GRM5: variants seen among roughly 807,000 people sequenced by gnomAD.
The protein encoded by GRM5 is glutamate metabotropic receptor 5.
A neutral mutation model predicts 83.1 loss-of-function variants in GRM5; 19 were observed. The observed-to-expected ratio is 0.23, with a 90% CI of 0.16 to 0.34. GRM5 has a LOEUF of 0.34. GRM5 is among the 10% of genes least tolerant of loss of function. The probability of loss-of-function intolerance (pLI) is 1.00; values close to 1 mark genes in which losing one functional copy is unlikely to be tolerated. For synonymous variants in GRM5, 675 were observed against 633.6 expected, an observed-to-expected ratio of 1.07 and a Z score of -0.98; for missense variants, 1,160 against 1,588.3, an observed-to-expected ratio of 0.73 and a Z score of 4.58.
chr11:88,909,745 C>A (rs1374374848), intron 2 of GRM5, among the ~76,000 whole-genome samples: 1 of 152,052 alleles, frequency 6.6e-6, no homozygotes, highest in African/African-American at 2.4e-5. Context: ...GTGTCTAGCA[C>A]AAATGAGAAA....
At chr11:88,788,896 C>T (rs1162682632) in intron 3 of GRM5, among the ~76,000 whole-genome samples, 6 of 152,110 alleles carry the variant, frequency 3.9e-5, no homozygotes, top group Admixed American at 6.6e-5. Flanking sequence ...AGGATGAACG[C>T]CTCCTCAATT....
intron 8 of GRM5, among the ~76,000 whole-genome samples, chr11:88,531,715 A>C (rs1285223189): frequency 6.6e-6 from 1 of 152,284 alleles, no homozygotes; most frequent in East Asian, 1.9e-4. Context: ...ACAGCAAATA[A>C]GAAAGCTAAA....
At position 88,767,318 on chromosome 11, in the gene GRM5, T is replaced by C. The variant is rs542988225; in HGVS notation, c.911+82588A>G. On this transcript the variant is annotated intron_variant, in intron 3 of 9. Transcript: ENST00000305447. Reference sequence around the variant, plus strand: ...ATTGCTATTTGATCCAGAAATCGCATTATTAGGCATATCCTCAAAAGAATG... The same window carrying C: ...ATTGCTATTTGATCCAGAAATCGCACTATTAGGCATATCCTCAAAAGAATG... 2.6e-5 allele frequency among the ~76,000 whole-genome samples: 4 copies of C among 152,082 alleles called. No homozygotes were observed. The East Asian group carries it at 7.7e-4, about 29-fold the overall frequency.
At chr11:88,519,512 A>G (rs1941621388) in intron 9 of GRM5, among the ~76,000 whole-genome samples, 1 of 152,094 alleles carries the variant, frequency 6.6e-6, no homozygotes, top group South Asian at 2.1e-4. Flanking sequence ...GGCTTTACCA[A>G]TTTTTTAAGG....
chr11:88,910,704 C>T (rs1047061207), intron 2 of GRM5, among the ~76,000 whole-genome samples: 4 of 152,024 alleles, frequency 2.6e-5, no homozygotes, highest in East Asian at 1.9e-4. Flanking sequence ...TTTGAATCAG[C>T]AGCACTTTTA....
intron 3 of GRM5, among the ~76,000 whole-genome samples, chr11:88,771,447 C>A (rs1188512929): frequency 1.2e-4 from 19 of 152,038 alleles, no homozygotes; most frequent in Non-Finnish European, 1.5e-5. Context: ...TGCAGGAGTC[C>A]AAAGGCTGAA....
chr11:88,601,335 G>A (rs73540137), intron 5 of GRM5, among the ~76,000 whole-genome samples: 2,099 of 152,198 alleles, frequency 0.014, 46 homozygotes, highest in African/African-American at 0.049. Flanking sequence ...TACCGCATCT[G>A]TTTGTGCTCC....
chr11:88,804,414 T>C (rs1943460142), intron 3 of GRM5, among the ~76,000 whole-genome samples: 1 of 150,078 alleles, frequency 6.7e-6, no homozygotes, highest in African/African-American at 2.5e-5. Flanking sequence ...GAAATCATCA[T>C]TCTCAGTAAA....
intron 9 of GRM5, among the ~76,000 whole-genome samples, chr11:88,523,558 G>A (rs1033623706): frequency 6.6e-6 from 1 of 152,152 alleles, no homozygotes; most frequent in African/African-American, 2.4e-5. Context: ...GATGCACTGA[G>A]ATCCAAAGAT....
rs868112975 is a variant in GRM5 at position 88,608,966 on chromosome 11, C to T, written c.1148-4002G>A. Among the ~76,000 whole-genome samples the T allele has an allele frequency of 1.3e-3, 198 of 152,232 alleles. 11 individuals carry two copies. Among genetic ancestry groups the T allele is most frequent in the Middle Eastern group, 6.8e-3 (2 of 294 alleles). ...TCTATTTTACTTTTTCTCCCTAATC[C>T]TACACTAATACTAGTCCTAACCATT... On this transcript the variant is annotated intron_variant, in intron 4 of 9. Coordinates refer to ENST00000305447, the MANE Select transcript of GRM5 (RefSeq NM_001143831.3).
At chr11:88,516,379 C>G (rs1179177364) in intron 9 of GRM5, among the ~76,000 whole-genome samples, 1 of 152,152 alleles carries the variant, frequency 6.6e-6, no homozygotes, top group Non-Finnish European at 1.5e-5. Context: ...GCTAACAAGA[C>G]ATACCCCTGT....
chr11:88,740,128 C>T (rs1159684251), intron 3 of GRM5, among the ~76,000 whole-genome samples: 2 of 152,032 alleles, frequency 1.3e-5, no homozygotes, highest in African/African-American at 4.8e-5. Flanking sequence ...TGGCTAAGTA[C>T]ATTGTAGAAT....
intron 8 of GRM5, among the ~76,000 whole-genome samples, chr11:88,559,793 G>A (rs145709126): frequency 1.8e-4 from 28 of 152,308 alleles, no homozygotes; most frequent in African/African-American, 6.7e-4. Flanking sequence ...TATAGTGTGT[G>A]TCTGTGGCGA....
intron 2 of GRM5, among the ~76,000 whole-genome samples, chr11:88,888,368 G>C (rs1486689216): frequency 1.3e-5 from 2 of 152,164 alleles, no homozygotes; most frequent in East Asian, 3.9e-4. Context: ...AATGGGAAAA[G>C]AGAAGATAGA....
In GRM5 at chr11:88,769,654, G is replaced by A. The variant is rs372018665; in HGVS notation, c.911+80252C>T. 1.2e-4 allele frequency among the ~76,000 whole-genome samples: 19 copies of A among 152,114 alleles called. No homozygotes were observed. In the East Asian group the frequency reaches 3.5e-3, roughly 28 times the overall value. On this transcript the variant is annotated intron_variant, in intron 3 of 9. Coordinates refer to ENST00000305447, the MANE Select transcript of GRM5 (RefSeq NM_001143831.3). ...TGTCAAAAAGGCACAAGAATCAACTGAAAGAACTCCTAGTGGACAAAGATT... is the reference window on the plus strand; with the variant it reads ...TGTCAAAAAGGCACAAGAATCAACTAAAAGAACTCCTAGTGGACAAAGATT...
chr11:88,505,817 C>G lies in GRM5; in HGVS notation c.*2775G>C, dbSNP rs1269570161. ...TCCCGACTGAATTATCACTGGGCAC[C>G]AGGAACAGATTGTTTTGAAGGAAAT... On this transcript the variant is annotated 3_prime_UTR_variant, in exon 10 of 10. Coordinates refer to ENST00000305447, the MANE Select transcript of GRM5 (RefSeq NM_001143831.3). 1.3e-5 allele frequency: 2 copies of G among 152,138 alleles called. No homozygotes were observed. Among genetic ancestry groups the G allele is most frequent in the African/African-American group, 4.8e-5 (2 of 41,432 alleles). 9.4% of individuals were successfully genotyped at this position (152,138 alleles called of 1,614,324 possible).
intron 3 of GRM5, among the ~76,000 whole-genome samples, chr11:88,800,704 C>A (rs906658979): frequency 2.0e-5 from 3 of 152,080 alleles, no homozygotes; most frequent in Admixed American, 6.6e-5. Context: ...TAGGTGACAC[C>A]TGGATTTAAG....
intron 3 of GRM5, among the ~76,000 whole-genome samples, chr11:88,724,857 C>T (rs547075850): frequency 3.2e-4 from 49 of 152,206 alleles, no homozygotes; most frequent in South Asian, 6.2e-4. Context: ...CTGTAAGAAA[C>T]GGTGGATTCT....
intron 8 of GRM5, among the ~76,000 whole-genome samples, chr11:88,551,712 G>A (rs1254827384): frequency 6.6e-6 from 1 of 152,144 alleles, no homozygotes; most frequent in Non-Finnish European, 1.5e-5. Flanking sequence ...CCACACTTCA[G>A]TGTCCTCATC....
Sources: allele counts gnomAD v4.1 joint callset (sites outside exome capture counted in the v4.1 genomes callset), GRCh38; gene constraint gnomAD v4.1.1; transcripts MANE v1.5; gene names NCBI Gene and HGNC (gene_info 2026-07-23, HGNC 2026-07-21).